The following GALNT2 variants were observed in gnomAD, a reference collection of about 807,000 sequenced individuals.
The protein encoded by GALNT2 is polypeptide N-acetylgalactosaminyltransferase 2, also known as UDP-GalNAc:polypeptide N-acetylgalactosaminyltransferase 2.
GALNT2 carries 31 observed loss-of-function variants against 81.4 expected under a neutral mutation model. That is an observed-to-expected ratio of 0.38 (90% CI 0.29 to 0.51). The LOEUF is 0.51. GALNT2 is among the 20% of genes least tolerant of loss of function. The probability of loss-of-function intolerance (pLI) is 0.87; values close to 1 mark genes in which losing one functional copy is unlikely to be tolerated. For synonymous variants in GALNT2, 303 were observed against 287.4 expected, an observed-to-expected ratio of 1.05 and a Z score of -0.55; for missense variants, 629 against 765.7, an observed-to-expected ratio of 0.82 and a Z score of 2.11.
At chr1:230,197,773 C>T (rs1245804286) in intron 2 of GALNT2, among the ~76,000 whole-genome samples, 1 of 151,986 alleles carries the variant, frequency 6.6e-6, no homozygotes, top group African/African-American at 2.4e-5. Context: ...TGCATGCGTG[C>T]GTACATGCGT....
chr1:230,239,531 G>A (rs1439715305), intron 6 of GALNT2, among the ~76,000 whole-genome samples: 2 of 152,226 alleles, frequency 1.3e-5, no homozygotes, highest in African/African-American at 4.8e-5. Flanking sequence ...GTGGAAGAAA[G>A]ATGTAGGCCG....
intron 11 of GALNT2, chr1:230,262,117 GA>G (rs1665893554): frequency 3.8e-5 from 6 of 155,994 alleles, no homozygotes; most frequent in African/African-American, 1.2e-4. Flanking sequence ...CTTTAATGCA[GA>G]GCTGTCTGAT....
At chr1:230,152,374 A>C (rs753513791) in intron 1 of GALNT2, among the ~76,000 whole-genome samples, 2 of 152,204 alleles carry the variant, frequency 1.3e-5, no homozygotes, top group South Asian at 4.1e-4. Context: ...GATGAGGGCA[A>C]GGTTTTTCAA....
At chr1:230,066,948 G>A (rs1288840453), upstream of GALNT2, among the ~76,000 whole-genome samples, 6 of 150,326 alleles carry the variant, frequency 4.0e-5, no homozygotes, top group East Asian at 1.2e-3. Flanking sequence ...GGAGCCCGGC[G>A]TGCTGCAGCC....
Position 230,123,385 on chromosome 1 carries a change from C to A in GALNT2, c.127-54833C>A, listed in dbSNP as rs116665924. Among the ~76,000 whole-genome samples the A allele has an allele frequency of 3.2e-3, 482 of 152,326 alleles. 1 individual carries two copies. Among genetic ancestry groups the A allele is most frequent in the African/African-American group, 0.011 (469 of 41,574 alleles). On this transcript the variant is annotated intron_variant, in intron 1 of 15. Transcript: ENST00000366672. ...CCAGAAATATTTTGAATGATGACAG[C>A]ATCATGGGAATACCAAGGGTCTCCC...
At position 230,217,517 on chromosome 1, in the gene GALNT2, G is replaced by T. The variant is rs634401; in HGVS notation, c.374+14227G>T. On this transcript the variant is annotated intron_variant, in intron 3 of 15. Coordinates refer to ENST00000366672, the MANE Select transcript of GALNT2 (RefSeq NM_004481.5). ...CACCAAGCCCTAGGAGCCTGGAGGC[G>T]CATGGTAAGGGCATTGGCTTTGTCT... 9.1e-3 allele frequency among the ~76,000 whole-genome samples: 1,387 copies of T among 152,338 alleles called. 14 individuals are homozygous for T. The highest frequency in any genetic ancestry group is 0.01 in the Non-Finnish European group (711 of 68,028).
intron 1 of GALNT2, among the ~76,000 whole-genome samples, chr1:230,124,252 T>C (rs894092568): frequency 1.3e-5 from 2 of 152,202 alleles, no homozygotes; most frequent in African/African-American, 4.8e-5. Context: ...TTCTCTTTAA[T>C]TTTGATGTAG....
intron 3 of GALNT2, among the ~76,000 whole-genome samples, chr1:230,233,658 G>T (rs559296651): frequency 6.6e-6 from 1 of 151,990 alleles, no homozygotes; most frequent in Admixed American, 6.6e-5. Flanking sequence ...TAATGTATTG[G>T]TCCCCTGGAA....
intron 2 of GALNT2, among the ~76,000 whole-genome samples, chr1:230,195,354 A>G (rs1663657720): frequency 6.6e-6 from 1 of 152,208 alleles, no homozygotes; most frequent in African/African-American, 2.4e-5. Context: ...AAGCACTTAT[A>G]AGGCCCCCTG....
chr1:230,156,495 C>T (rs1289348500), intron 1 of GALNT2, among the ~76,000 whole-genome samples: 5 of 151,954 alleles, frequency 3.3e-5, no homozygotes, highest in Admixed American at 6.6e-5. Flanking sequence ...CTTCAACGTT[C>T]GTTTCCTAAA....
intron 1 of GALNT2, among the ~76,000 whole-genome samples, chr1:230,069,266 T>TTTTGTTTTGTTTTGTTTTGTTTTG (rs112582134): frequency 5.4e-5 from 8 of 148,816 alleles, no homozygotes; most frequent in South Asian, 2.1e-4. Flanking sequence ...AGTTTGTTTT[T>TTTTGTTTTGTTTTGTTTTGTTTTG]TTTTGTTTTG....
intron 1 of GALNT2, among the ~76,000 whole-genome samples, chr1:230,144,578 A>T (rs1315262686): frequency 6.6e-6 from 1 of 151,874 alleles, no homozygotes; most frequent in Non-Finnish European, 1.5e-5. Flanking sequence ...GACGCTGTAT[A>T]CTCTTAGGTA....
chr1:230,189,701 G>T (rs1406402815), intron 2 of GALNT2, among the ~76,000 whole-genome samples: 1 of 152,148 alleles, frequency 6.6e-6, no homozygotes, highest in Non-Finnish European at 1.5e-5. Context: ...AAGCATACAG[G>T]TCCGTGGCAT....
rs149486650 is a variant in GALNT2 at position 230,196,264 on chromosome 1, G to A, written c.221-6873G>A. 4.5e-4 allele frequency among the ~76,000 whole-genome samples: 69 copies of A among 152,272 alleles called. No individual in the cohort carries two copies. In the East Asian group the frequency reaches 9.5e-3, roughly 21 times the overall value. The stretch of plus-strand genomic sequence containing the variant: ...CTGCATCTGGCAGGCTCCTGCTCAC[G>A]CTTCAAGACCCAGCCCAAGTGCCCT... On this transcript the variant is annotated intron_variant, in intron 2 of 15. Transcript: ENST00000366672.
chr1:230,266,385 T>A (rs528700964), intron 14 of GALNT2, among the ~76,000 whole-genome samples: 1 of 152,218 alleles, frequency 6.6e-6, no homozygotes, highest in South Asian at 2.1e-4. Context: ...TCCTGTGTGC[T>A]CTTACCCCCT....
Position 230,274,501 on chromosome 1 carries a change from G to A in GALNT2, c.1497G>A (p.Val499=), listed in dbSNP as rs751520247. ...SVKHMDLCLT[V]VDRAPGSLIK... is the part of the protein sequence containing the mutation. Reference sequence around the variant, plus strand: ...AGCACATGGATTTGTGCCTTACTGTGGTGGACCGGGCACCGGGCTCTCTTA... The same window carrying A: ...AGCACATGGATTTGTGCCTTACTGTAGTGGACCGGGCACCGGGCTCTCTTA... Residue 499 remains valine, a synonymous_variant, in exon 15 of 16, where the codon GTG becomes GTA. Coordinates refer to ENST00000366672, the MANE Select transcript of GALNT2 (RefSeq NM_004481.5). 8 of 1,614,050 alleles carry A rather than the reference G, an allele frequency of 5.0e-6. No individual in the cohort carries two copies. In the East Asian group the frequency reaches 1.1e-4, roughly 22 times the overall value.
chr1:230,062,740 T>C (rs565604413), upstream of GALNT2, among the ~76,000 whole-genome samples: 15 of 152,326 alleles, frequency 9.8e-5, no homozygotes, highest in South Asian at 1.0e-3. Flanking sequence ...TATACCACAT[T>C]CTGCTTGTCC....
intron 3 of GALNT2, among the ~76,000 whole-genome samples, chr1:230,233,088 A>G (rs1251239800): frequency 6.6e-6 from 1 of 152,232 alleles, no homozygotes; most frequent in Non-Finnish European, 1.5e-5. Flanking sequence ...TCTGTTGAGC[A>G]CTTTCTCTGA....
chr1:230,155,776 A>G (rs1230699997), intron 1 of GALNT2, among the ~76,000 whole-genome samples: 2 of 152,188 alleles, frequency 1.3e-5, no homozygotes, highest in Non-Finnish European at 2.9e-5. Flanking sequence ...GAAGAGAGAG[A>G]TTAGATTGAG....
Sources: allele counts gnomAD v4.1 joint callset (sites outside exome capture counted in the v4.1 genomes callset), GRCh38; gene constraint gnomAD v4.1.1; transcripts MANE v1.5; gene names NCBI Gene and HGNC (gene_info 2026-07-23, HGNC 2026-07-21).